Variants in CHST9 observed in about 807,000 individuals in gnomAD.
The protein encoded by CHST9 is GalNAc-4-sulfotransferase 2.
A neutral mutation model predicts 44.4 loss-of-function variants in CHST9; 41 were observed. The observed-to-expected ratio is 0.92, with a 90% confidence interval of 0.72 to 1.20. The LOEUF (loss-of-function observed/expected upper bound fraction) is 1.20, where lower values mean the gene tolerates loss of function less well. CHST9 is among the 50% of genes most tolerant of loss of function. The pLI is 0.00. For synonymous variants in CHST9, 171 were observed against 178.4 expected (o/e 0.96, Z 0.33); for missense variants, 504 against 516.5 (o/e 0.98, Z 0.23).
chr18:27,014,950 G>T, intron 4 of CHST9, among the ~76,000 whole-genome samples: 1 of 151,814 alleles, frequency 6.6e-6, no homozygotes, highest in East Asian at 1.9e-4. Context: ...CTTAGTGGGG[G>T]TCACCAAGGA....
intron 4 of CHST9, among the ~76,000 whole-genome samples, chr18:26,945,228 C>T (rs1403877446): frequency 2.0e-5 from 3 of 152,138 alleles, no homozygotes; most frequent in African/African-American, 7.2e-5. Flanking sequence ...ATTGAAATAA[C>T]TGTTGAGTCA....
intron 5 of CHST9, among the ~76,000 whole-genome samples, chr18:26,921,383 G>A (rs931730626): frequency 4.6e-5 from 7 of 152,176 alleles, no homozygotes; most frequent in African/African-American, 1.4e-4. Context: ...TTGAGTGCTA[G>A]TAAGTTTCCT....
chr18:27,102,933 T>C (rs1396148789), intron 2 of CHST9, among the ~76,000 whole-genome samples: 1 of 152,134 alleles, frequency 6.6e-6, no homozygotes, highest in Non-Finnish European at 1.5e-5. Context: ...ATATTGCAAT[T>C]ATCAGCTTGC....
intron 1 of CHST9, among the ~76,000 whole-genome samples, chr18:27,165,534 G>T (rs974076642): frequency 5.3e-5 from 8 of 152,102 alleles, no homozygotes; most frequent in Non-Finnish European, 1.2e-4. Flanking sequence ...AAAATATCAA[G>T]TTCCAATATA....
chr18:27,021,113 G>T (rs1226158956), intron 4 of CHST9, among the ~76,000 whole-genome samples: 2 of 152,156 alleles, frequency 1.3e-5, no homozygotes, highest in Admixed American at 6.5e-5. Context: ...AGGGAAGAAT[G>T]AAAGTTCAAG....
intron 5 of CHST9, chr18:26,933,645 G>C (rs916961914): frequency 2.0e-5 from 3 of 153,598 alleles, no homozygotes; most frequent in Non-Finnish European, 4.4e-5. Context: ...GAATTAATAA[G>C]CAACACGTTC....
intron 2 of CHST9, among the ~76,000 whole-genome samples, chr18:27,067,731 A>T (rs2143636894): frequency 6.6e-6 from 1 of 152,092 alleles, no homozygotes; most frequent in Non-Finnish European, 1.5e-5. Context: ...ATATATTGAG[A>T]TTGACTGAAT....
rs187937216 is a variant in CHST9 at position 27,067,509 on chromosome 18, C to T, written c.122-19006G>A. Among the ~76,000 whole-genome samples the T allele has an allele frequency of 5.3e-5, 8 of 152,114 alleles. No homozygotes were observed. The East Asian group carries it at 7.7e-4, about 15-fold the overall frequency. ...CCTGTAATAGGGTCAAAGGATTCAACGACTAACTCAATTCTGTCAATTTTA... is the reference window on the plus strand; with the variant it reads ...CCTGTAATAGGGTCAAAGGATTCAATGACTAACTCAATTCTGTCAATTTTA... On this transcript the variant is annotated intron_variant, in intron 2 of 5. Coordinates refer to ENST00000618847, the MANE Select transcript of CHST9 (RefSeq NM_031422.6).
intron 2 of CHST9, among the ~76,000 whole-genome samples, chr18:27,077,998 C>G (rs117956530): frequency 6.6e-6 from 1 of 152,116 alleles, no homozygotes; most frequent in Admixed American, 6.5e-5. Flanking sequence ...GTGCCACACA[C>G]TTTCAAACAC....
intron 2 of CHST9, among the ~76,000 whole-genome samples, chr18:27,053,195 A>AAGAAG (rs1568150977): frequency 1.7e-5 from 2 of 114,614 alleles, no homozygotes; most frequent in Non-Finnish European, 3.7e-5. Context: ...GAAGAAGAAG[A>AAGAAG]AAGAACAAGA....
intron 2 of CHST9, among the ~76,000 whole-genome samples, chr18:27,081,126 G>A (rs1464207169): frequency 1.3e-5 from 2 of 152,112 alleles, no homozygotes; most frequent in Admixed American, 6.6e-5. Context: ...ACTTTTTAAA[G>A]AATCAGTTCC....
intron 4 of CHST9, among the ~76,000 whole-genome samples, chr18:26,987,588 T>G (rs762096183): frequency 1.5e-4 from 23 of 151,990 alleles, no homozygotes; most frequent in Non-Finnish European, 2.6e-4. Flanking sequence ...GTGGGGAAAA[T>G]GGAAGTATTA....
At chr18:27,084,732 C>T (rs545007555) in intron 2 of CHST9, among the ~76,000 whole-genome samples, 1 of 151,800 alleles carries the variant, frequency 6.6e-6, no homozygotes, top group South Asian at 2.1e-4. Context: ...TCCCACATCC[C>T]ATGTGATATT....
chr18:27,063,947 C>T (rs2057753746), intron 2 of CHST9, among the ~76,000 whole-genome samples: 1 of 152,012 alleles, frequency 6.6e-6, no homozygotes, highest in African/African-American at 2.4e-5. Context: ...TGGGGTGGCT[C>T]TGGAAGGAGG....
At chr18:26,932,632 A>G (rs2031154266) in intron 5 of CHST9, among the ~76,000 whole-genome samples, 1 of 152,114 alleles carries the variant, frequency 6.6e-6, no homozygotes, top group South Asian at 2.1e-4. Context: ...GCTTTTTATC[A>G]CTGAGATGCT....
intron 2 of CHST9, among the ~76,000 whole-genome samples, chr18:27,106,582 T>C (rs1277424371): frequency 6.6e-6 from 1 of 152,250 alleles, no homozygotes. Flanking sequence ...GAATGCATGA[T>C]AATTTATTCC....
intron 2 of CHST9, among the ~76,000 whole-genome samples, chr18:27,059,882 G>A (rs904982071): frequency 6.6e-6 from 1 of 152,174 alleles, no homozygotes; most frequent in Non-Finnish European, 1.5e-5. Context: ...CAGGGAAGCC[G>A]ATATTTCATG....
intron 1 of CHST9, among the ~76,000 whole-genome samples, chr18:27,167,918 A>T (rs531516243): frequency 6.6e-6 from 1 of 152,168 alleles, no homozygotes; most frequent in African/African-American, 2.4e-5. Flanking sequence ...AAGAACTGAA[A>T]TAAGACAGTA....
chr18:27,022,261 A>T (rs1271008046), intron 4 of CHST9, among the ~76,000 whole-genome samples: 3 of 152,260 alleles, frequency 2.0e-5, no homozygotes, highest in African/African-American at 7.2e-5. Flanking sequence ...AGTGGCAAGA[A>T]AATGGGAGCT....
Sources: allele counts gnomAD v4.1 joint callset (sites outside exome capture counted in the v4.1 genomes callset), GRCh38; gene constraint gnomAD v4.1.1; transcripts MANE v1.5; gene names NCBI Gene and HGNC (gene_info 2026-07-23, HGNC 2026-07-21).